The following SLC25A21 variants were observed in gnomAD, a reference collection of about 807,000 sequenced individuals.
SLC25A21 encodes the protein mitochondrial 2-oxodicarboxylate carrier.
SLC25A21 carries 47 observed loss-of-function variants against 43.8 expected under a neutral mutation model. The ratio of observed to expected loss-of-function variants is 1.07; its 90% CI spans 0.85 to 1.37. The LOEUF (loss-of-function observed/expected upper bound fraction) is 1.37. SLC25A21 is among the 40% of genes most tolerant of loss of function. The pLI is 0.00. For missense variants in SLC25A21, 352 were observed against 350.2 expected (o/e 1.00, Z -0.04); for synonymous variants, 131 against 121.3 (o/e 1.08, Z -0.52).
chr14:37,066,785 AATAAAG>A (rs1477480343), intron 1 of SLC25A21, among the ~76,000 whole-genome samples: 6 of 152,196 alleles, frequency 3.9e-5, no homozygotes, highest in African/African-American at 1.4e-4. Context: ...GAGAACAAAC[AATAAAG>A]ATAAAGGCAT....
intron 2 of SLC25A21, among the ~76,000 whole-genome samples, chr14:36,828,212 C>T (rs559401853): frequency 5.3e-5 from 8 of 152,214 alleles, no homozygotes; most frequent in East Asian, 3.9e-4. Context: ...CTCCTGCTCC[C>T]TTTTTTGTCA....
intron 1 of SLC25A21, among the ~76,000 whole-genome samples, chr14:36,929,240 G>T (rs192978006): frequency 6.6e-6 from 1 of 152,248 alleles, no homozygotes; most frequent in Admixed American, 6.5e-5. Context: ...CTAGAACACA[G>T]TGGTCTGTAA....
intron 2 of SLC25A21, among the ~76,000 whole-genome samples, chr14:36,865,737 A>C (rs1890195697): frequency 6.6e-6 from 1 of 152,150 alleles, no homozygotes; most frequent in African/African-American, 2.4e-5. Context: ...AAACATAAAT[A>C]TTGGTGGGAC....
At chr14:37,123,519 T>C (rs1963246952) in intron 1 of SLC25A21, among the ~76,000 whole-genome samples, 2 of 152,206 alleles carry the variant, frequency 1.3e-5, no homozygotes, top group African/African-American at 4.8e-5. Flanking sequence ...TGATACATTG[T>C]TGTAAACAGT....
intron 3 of SLC25A21, among the ~76,000 whole-genome samples, chr14:36,743,186 A>C (rs1009879916): frequency 2.0e-5 from 3 of 152,168 alleles, no homozygotes; most frequent in African/African-American, 7.2e-5. Context: ...TAAGGAAAGA[A>C]AAAGTGAAAA....
chr14:36,873,239 C>T (rs367712657), intron 2 of SLC25A21, among the ~76,000 whole-genome samples: 3 of 152,038 alleles, frequency 2.0e-5, no homozygotes, highest in African/African-American at 2.4e-5. Flanking sequence ...CCCAGGGGTG[C>T]GCATACCTTA....
intron 3 of SLC25A21, among the ~76,000 whole-genome samples, chr14:36,769,977 C>T (rs1385686993): frequency 6.6e-6 from 1 of 152,172 alleles, no homozygotes. Context: ...ACTTTGGTAT[C>T]TTTGAGAGCG....
At chr14:37,004,637 C>G (rs1960558185) in intron 1 of SLC25A21, among the ~76,000 whole-genome samples, 1 of 152,186 alleles carries the variant, frequency 6.6e-6, no homozygotes, top group African/African-American at 2.4e-5. Context: ...CTCTGACCAC[C>G]TCCTGCATCA....
At chr14:36,702,676 T>C (rs763400) in intron 7 of SLC25A21, among the ~76,000 whole-genome samples, 70,095 of 151,838 alleles carry the variant, frequency 0.46, 16,907 homozygotes, top group East Asian at 0.83. Context: ...TATTGTCTAT[T>C]TCCTCTATTA....
intron 7 of SLC25A21, among the ~76,000 whole-genome samples, chr14:36,695,587 T>C (rs1882982194): frequency 6.6e-6 from 1 of 152,220 alleles, no homozygotes; most frequent in Non-Finnish European, 1.5e-5. Flanking sequence ...TTTATTTCCT[T>C]GGGCAGTGGT....
intron 1 of SLC25A21, among the ~76,000 whole-genome samples, chr14:37,159,994 G>A (rs1379824834): frequency 6.6e-6 from 1 of 152,090 alleles, no homozygotes; most frequent in African/African-American, 2.4e-5. Flanking sequence ...TCAGAGAAAT[G>A]CAAATCAAAA....
chr14:36,684,684 T>A, intron 8 of SLC25A21, 60 bp downstream of exon 8: 1 of 1,480,058 alleles, frequency 6.8e-7, no homozygotes, highest in Non-Finnish European at 9.1e-7. Flanking sequence ...GGAAGGACAA[T>A]ACGGTTCTAA....
At chr14:36,852,944 C>T (rs752105228) in intron 2 of SLC25A21, among the ~76,000 whole-genome samples, 2 of 151,862 alleles carry the variant, frequency 1.3e-5, no homozygotes, top group East Asian at 1.9e-4. Context: ...TTCCATGCAC[C>T]GAAACAGGAA....
At chr14:36,768,401 C>T (rs1236179080) in intron 3 of SLC25A21, among the ~76,000 whole-genome samples, 1 of 152,078 alleles carries the variant, frequency 6.6e-6, no homozygotes, top group African/African-American at 2.4e-5. Context: ...AGTTTGATTA[C>T]CAATTTTTTT....
intron 3 of SLC25A21, among the ~76,000 whole-genome samples, chr14:36,749,141 T>C (rs1412196734): frequency 2.0e-5 from 3 of 152,308 alleles, no homozygotes; most frequent in Non-Finnish European, 2.9e-5. Context: ...GTTTTCTGTA[T>C]GTCACTTTCC....
chr14:36,981,598 A>G (rs1371062237), intron 1 of SLC25A21, among the ~76,000 whole-genome samples: 1 of 152,170 alleles, frequency 6.6e-6, no homozygotes, highest in African/African-American at 2.4e-5. Flanking sequence ...ACAGAAAACC[A>G]AACACCGCGT....
intron 1 of SLC25A21, among the ~76,000 whole-genome samples, chr14:37,164,068 TG>T (rs1251514343): frequency 2.0e-5 from 3 of 152,160 alleles, no homozygotes; most frequent in Non-Finnish European, 4.4e-5. Context: ...TTTAAAATAT[TG>T]TATAAAAGTT....
intron 1 of SLC25A21, among the ~76,000 whole-genome samples, chr14:36,961,070 T>C (rs143842989): frequency 0.011 from 1,609 of 152,122 alleles, 13 homozygotes; most frequent in Non-Finnish European, 0.018. Context: ...ATCTACAGAA[T>C]GATGTGAGTG....
At chr14:36,789,885 TAA>T (rs1349591927) in intron 3 of SLC25A21, among the ~76,000 whole-genome samples, 3 of 120,882 alleles carry the variant, frequency 2.5e-5, no homozygotes, top group Non-Finnish European at 3.3e-5. Context: ...TATATTTATA[TAA>T]AATATATATT....
Sources: allele counts gnomAD v4.1 joint callset (sites outside exome capture counted in the v4.1 genomes callset), GRCh38; gene constraint gnomAD v4.1.1; transcripts MANE v1.5; gene names NCBI Gene and HGNC (gene_info 2026-07-23, HGNC 2026-07-21).